Variants in PCDH15 observed in about 807,000 individuals in gnomAD.
PCDH15 encodes the protein protocadherin related 15.
Under a neutral mutation model 178.5 loss-of-function variants are expected in PCDH15, and 129 were observed. That is an observed-to-expected ratio of 0.72 (90% CI 0.63 to 0.84). PCDH15 has a LOEUF of 0.84. Ranked by LOEUF, PCDH15 falls within the 40% of genes least tolerant of loss-of-function variation. PCDH15 has a pLI of 0.00. For synonymous variants in PCDH15, 800 were observed against 732.0 expected, an observed-to-expected ratio of 1.09 and a Z score of -1.50; for missense variants, 2,230 against 2,099.9, an observed-to-expected ratio of 1.06 and a Z score of -1.21.
chr10:55,245,538 G>T (rs1592016904), intron 1 of PCDH15, among the ~76,000 whole-genome samples: 2 of 152,024 alleles, frequency 1.3e-5, no homozygotes, highest in African/African-American at 4.8e-5. Context: ...AATTCAAACT[G>T]CCAGGTCATT....
rs558663461 is a variant in PCDH15 at position 54,884,268 on chromosome 10, C to T, written c.-29+13182G>A. Among the ~76,000 whole-genome samples, 67 of 151,936 alleles carry T rather than the reference C, an allele frequency of 4.4e-4. No homozygotes were observed. In the South Asian group the frequency reaches 9.8e-3, roughly 22 times the overall value. On this transcript the variant is annotated intron_variant, in intron 3 of 5. Coordinates refer to the PCDH15 transcript ENST00000458638. ...GTTTATATAGGAGATAAATTTAGTG[C>T]CTGGGGATAATTTCAAAAGAAAAGG...
chr10:54,297,285 G>T (rs369572062), intron 8 of PCDH15, among the ~76,000 whole-genome samples: 8 of 152,062 alleles, frequency 5.3e-5, no homozygotes, highest in African/African-American at 1.9e-4. Flanking sequence ...AATTTGACCC[G>T]CAAACCCTGA....
In PCDH15 at chr10:55,224,512, G is replaced by A. The variant is rs531431739; in HGVS notation, c.-155-57861C>T. 9.9e-5 allele frequency among the ~76,000 whole-genome samples: 15 copies of A among 152,160 alleles called. 1 individual carries two copies. Among genetic ancestry groups the A allele is most frequent in the African/African-American group, 3.4e-4 (14 of 41,472 alleles). On this transcript the variant is annotated intron_variant, in intron 1 of 5. Transcript: ENST00000458638. ...GACCCTGCTCCTTACATGAAGCAGAGATCAGTCATTTCAAAGCTGAGGTCG... is the reference window on the plus strand; with the variant it reads ...GACCCTGCTCCTTACATGAAGCAGAAATCAGTCATTTCAAAGCTGAGGTCG...
intron 1 of PCDH15, among the ~76,000 whole-genome samples, chr10:54,694,457 T>G (rs1476013424): frequency 6.6e-6 from 1 of 152,134 alleles, no homozygotes. Flanking sequence ...TTTGCTTTAT[T>G]TCACTCCACA....
upstream of PCDH15, among the ~76,000 whole-genome samples, chr10:55,321,460 A>T (rs752442126): frequency 2.6e-4 from 39 of 152,266 alleles, no homozygotes; most frequent in Non-Finnish European, 4.6e-4. Flanking sequence ...AATTTACCCA[A>T]CCTCACTAGA....
At chr10:54,548,931 G>A (rs1184021627) in intron 2 of PCDH15, among the ~76,000 whole-genome samples, 1 of 149,012 alleles carries the variant, frequency 6.7e-6, no homozygotes, top group East Asian at 2.0e-4. Context: ...ATGTCGCTAT[G>A]TATAGTTAAT....
chr10:54,423,313 ATACT>A (rs1172062515), intron 3 of PCDH15, among the ~76,000 whole-genome samples: 2 of 149,788 alleles, frequency 1.3e-5, no homozygotes, highest in Non-Finnish European at 2.9e-5. Flanking sequence ...GCACAGTTTA[ATACT>A]TACTATTATT....
At chr10:53,818,333 A>AAT (rs1312010262) in intron 33 of PCDH15, 5 of 194,450 alleles carry the variant, frequency 2.6e-5, no homozygotes, top group Non-Finnish European at 5.2e-5. Context: ...TTGGATAAAA[A>AAT]ATATTATACA....
At chr10:53,943,301 C>T (rs182740473) in intron 23 of PCDH15, among the ~76,000 whole-genome samples, 2 of 151,996 alleles carry the variant, frequency 1.3e-5, no homozygotes. Context: ...CCAGCCTCAC[C>T]AATATCTCTA....
chr10:55,351,379 C>G (rs1844928876), intron 2 of PCDH15, among the ~76,000 whole-genome samples: 1 of 151,890 alleles, frequency 6.6e-6, no homozygotes, highest in Non-Finnish European at 1.5e-5. Flanking sequence ...TAAATTGATG[C>G]TTTTTCATCC....
intron 2 of PCDH15, among the ~76,000 whole-genome samples, chr10:55,499,639 C>T (rs1172351937): frequency 6.6e-6 from 1 of 151,710 alleles, no homozygotes; most frequent in African/African-American, 2.4e-5. Flanking sequence ...TCCAATTAAA[C>T]ATACATCCCC....
intron 2 of PCDH15, among the ~76,000 whole-genome samples, chr10:55,600,522 C>T (rs997420500): frequency 7.9e-5 from 12 of 152,100 alleles, no homozygotes; most frequent in Non-Finnish European, 1.8e-4. Context: ...CAATCCTATT[C>T]TAGCATCCAT....
chr10:53,943,978 A>G (rs961639945), intron 23 of PCDH15, among the ~76,000 whole-genome samples: 1 of 152,178 alleles, frequency 6.6e-6, no homozygotes, highest in Admixed American at 6.5e-5. Context: ...GGCAAATTGC[A>G]TACTCTCTTT....
At chr10:54,628,654 G>C (rs1377681271) in intron 2 of PCDH15, among the ~76,000 whole-genome samples, 1 of 152,094 alleles carries the variant, frequency 6.6e-6, no homozygotes, top group East Asian at 1.9e-4. Flanking sequence ...ATCAGTTTAT[G>C]GTAGAGTAAC....
chr10:55,011,821 A>G (rs1469688543), intron 2 of PCDH15, among the ~76,000 whole-genome samples: 1 of 152,072 alleles, frequency 6.6e-6, no homozygotes, highest in Non-Finnish European at 1.5e-5. Context: ...AATGATGAAA[A>G]GTCATATTAC....
chr10:54,274,336 C>T (rs2058223447), intron 8 of PCDH15, among the ~76,000 whole-genome samples: 1 of 152,038 alleles, frequency 6.6e-6, no homozygotes, highest in Non-Finnish European at 1.5e-5. Flanking sequence ...TGTAGTCTTA[C>T]ATTTTCCCTA....
chr10:54,884,556 TA>T (rs1954320356), intron 3 of PCDH15, among the ~76,000 whole-genome samples: 1 of 151,842 alleles, frequency 6.6e-6, no homozygotes, highest in Admixed American at 6.6e-5. Context: ...TTCTTAGACA[TA>T]TTTAAGCCCT....
At chr10:54,105,669 T>G (rs1382221498) in intron 15 of PCDH15, among the ~76,000 whole-genome samples, 1 of 152,042 alleles carries the variant, frequency 6.6e-6, no homozygotes, top group African/African-American at 2.4e-5. Context: ...GTTAATCACC[T>G]TTGGAAACAC....
At chr10:55,562,086 C>T (rs1267246356) in intron 2 of PCDH15, among the ~76,000 whole-genome samples, 1 of 151,900 alleles carries the variant, frequency 6.6e-6, no homozygotes, top group Non-Finnish European at 1.5e-5. Flanking sequence ...TCTGTCTGTA[C>T]ACGTTGTCTC....
Sources: allele counts gnomAD v4.1 joint callset (sites outside exome capture counted in the v4.1 genomes callset), GRCh38; gene constraint gnomAD v4.1.1; transcripts MANE v1.5; gene names NCBI Gene and HGNC (gene_info 2026-07-23, HGNC 2026-07-21).